The following WDR27 variants were observed in gnomAD, a reference collection of about 807,000 sequenced individuals.
WDR27 encodes WD repeat-containing protein 27.
In WDR27, 100 loss-of-function variants were observed where a neutral mutation model predicts 114.4. The ratio of observed to expected loss-of-function variants is 0.87; its 90% confidence interval spans 0.74 to 1.03. The LOEUF (loss-of-function observed/expected upper bound fraction) is 1.03. Among genes scored for constraint, WDR27 ranks in the 50% least tolerant of loss-of-function variants. The pLI is 0.00. For missense variants in WDR27, 1,129 were observed against 1,092.9 expected, an observed-to-expected ratio of 1.03 and a Z score of -0.47; for synonymous variants, 449 against 423.1, an observed-to-expected ratio of 1.06 and a Z score of -0.75.
At chr6:169,656,699 A>G (rs1488360467) in intron 13 of WDR27, among the ~76,000 whole-genome samples, 1 of 152,012 alleles carries the variant, frequency 6.6e-6, no homozygotes, top group Non-Finnish European at 1.5e-5. Context: ...GACAGCTCCC[A>G]GCTCCGACAG....
rs1008027725 is a variant in WDR27 at position 169,641,635 on chromosome 6, C to T, written c.1747+2062G>A. Among the ~76,000 whole-genome samples, 6 of 152,312 alleles carry T rather than the reference C, an allele frequency of 3.9e-5. No homozygotes were observed. The East Asian group carries it at 1.2e-3, about 29-fold the overall frequency. On this transcript the variant is annotated intron_variant, in intron 17 of 25. Coordinates refer to ENST00000448612, the MANE Select transcript of WDR27 (RefSeq NM_182552.5). ...AGGCCGGCGTGGGCAGTCCCCGCTCCGAGAAGGAGCAGAGCAGAAGCCACT... is the reference window on the plus strand; with the variant it reads ...AGGCCGGCGTGGGCAGTCCCCGCTCTGAGAAGGAGCAGAGCAGAAGCCACT...
In WDR27 at chr6:169,551,118, G is replaced by A. The variant is rs1402696531; in HGVS notation, c.2645+21301C>T. Reference sequence around the variant, plus strand: ...AAAAATACTATAAAATTCCAAAGGCGTTTGAGCTGGCATGTCCATTCATGC... The same window carrying A: ...AAAAATACTATAAAATTCCAAAGGCATTTGAGCTGGCATGTCCATTCATGC... On this transcript the variant is annotated intron_variant, in intron 25 of 25. Transcript: ENST00000448612. Among the ~76,000 whole-genome samples, 6 of 152,158 alleles carry A rather than the reference G, an allele frequency of 3.9e-5. No homozygotes were observed. In the East Asian group the frequency reaches 5.8e-4, roughly 15 times the overall value.
intron 25 of WDR27, among the ~76,000 whole-genome samples, chr6:169,485,315 C>G (rs1203899545): frequency 6.6e-6 from 1 of 152,128 alleles, no homozygotes; most frequent in Non-Finnish European, 1.5e-5. Context: ...ACTGAAACAA[C>G]TTTACAGAAA....
At chr6:169,499,104 TAAG>T (rs1376180999) in intron 25 of WDR27, among the ~76,000 whole-genome samples, 12 of 152,244 alleles carry the variant, frequency 7.9e-5, no homozygotes, top group Non-Finnish European at 1.5e-5. Flanking sequence ...CTCATGTTGC[TAAG>T]CGGAAACAGA....
At chr6:169,430,153 C>T in the WDR27 span, among the ~76,000 whole-genome samples, 3 of 152,276 alleles carry the variant, frequency 2.0e-5, no homozygotes, top group East Asian at 3.9e-4. Context: ...CCATATGTCA[C>T]GGCCCAAACT....
In WDR27 at chr6:169,701,859, C is replaced by T. The variant is rs1788168937; in HGVS notation, c.-316G>A. 1 of 340,484 alleles carries T rather than the reference C, an allele frequency of 2.9e-6. No individual in the cohort carries two copies. Among genetic ancestry groups the T allele is most frequent in the Admixed American group, 4.0e-5 (1 of 24,864 alleles). The allele number at this position is 340,484 out of a possible 1,614,324, so 21.1% of individuals were successfully genotyped here. A position where few individuals can be genotyped will look rare whatever the true frequency, so the allele number is the denominator to read the frequency against. ...AGCCCTGCGCCCTAGGCACACGCCC[C>T]AGAGCAGCAGCTCGGGTTCGGCGCC... On this transcript the variant is annotated 5_prime_UTR_variant, in exon 1 of 26. Transcript: ENST00000448612.
At chr6:169,608,585 A>G (rs1435074770) in intron 22 of WDR27, among the ~76,000 whole-genome samples, 2 of 152,184 alleles carry the variant, frequency 1.3e-5, no homozygotes, top group Non-Finnish European at 2.9e-5. Context: ...CAAGAACAGT[A>G]TGGGGGAAAC....
chr6:169,547,941 A>T (rs1041094333), intron 25 of WDR27, among the ~76,000 whole-genome samples: 2 of 152,318 alleles, frequency 1.3e-5, no homozygotes, highest in African/African-American at 4.8e-5. Flanking sequence ...TCTGGAACAA[A>T]CAGTGATTTT....
At chr6:169,451,959 T>A in the WDR27 span, among the ~76,000 whole-genome samples, 23 of 152,326 alleles carry the variant, frequency 1.5e-4, no homozygotes, top group Admixed American at 9.1e-4. Context: ...TCCCATTCTG[T>A]GGTCTACTTA....
intron 25 of WDR27, among the ~76,000 whole-genome samples, chr6:169,567,336 G>T (rs182516965): frequency 1.3e-5 from 2 of 152,314 alleles, no homozygotes; most frequent in East Asian, 3.9e-4. Context: ...GACGGTCTGC[G>T]TGGCAGAACA....
chr6:169,672,279 C>A lies in WDR27; in HGVS notation c.307G>T (p.Glu103Ter). ...LDYVIMWNLD[E>*]CREKVLQGLV... Reference sequence around the variant, plus strand: ...CCTTGAAGTACTTTCTCTCTACATTCATCCAGGTTCCACATTATAACATAA... The same window carrying A: ...CCTTGAAGTACTTTCTCTCTACATTAATCCAGGTTCCACATTATAACATAA... The change falls in exon 3 of 26, where the codon GAA becomes TAA. Residue 103 changes from glutamate to a stop codon, truncating the protein, a stop_gained. Transcript: ENST00000448612. LOFTEE classifies it high-confidence loss of function. The A allele has an allele frequency of 6.2e-7, 1 of 1,612,972 alleles. No individual in the cohort carries two copies. The highest frequency in any genetic ancestry group is 8.5e-7 in the Non-Finnish European group (1 of 1,179,592).
chr6:169,486,442 G>A (rs989804384), intron 25 of WDR27, among the ~76,000 whole-genome samples: 5 of 151,910 alleles, frequency 3.3e-5, no homozygotes, highest in African/African-American at 1.2e-4. Context: ...TGCAGGCTCC[G>A]GCAGCCTTTG....
At chr6:169,657,224 G>C (rs1293747934) in intron 13 of WDR27, among the ~76,000 whole-genome samples, 1 of 152,214 alleles carries the variant, frequency 6.6e-6, no homozygotes, top group Non-Finnish European at 1.5e-5. Flanking sequence ...CTGCAAGGCG[G>C]GTCAGAACCA....
chr6:169,602,289 C>T lies in WDR27; in HGVS notation c.2354G>A (p.Arg785His), dbSNP rs763131368. The stretch of plus-strand genomic sequence containing the variant: ...GAAAGCGATTCCACATGGATAGCCG[C>T]GGGTTGGATGCCCTTCAAAGTGGCG... Reference protein sequence around the residue: ...CERHFEGHPTRGYPCGIAFSP... With the variant: ...CERHFEGHPTHGYPCGIAFSP... The change falls in exon 23 of 26, where the codon CGC becomes CAC. Residue 785 changes from arginine (R) to histidine (H), a missense_variant. Transcript: ENST00000448612. 1.2e-5 allele frequency: 18 copies of T among 1,564,402 alleles called. No individual in the cohort carries two copies. Among genetic ancestry groups the T allele is most frequent in the Middle Eastern group, 1.7e-4 (1 of 6,004 alleles).
intron 5 of WDR27, 85 bp downstream of exon 5, chr6:169,667,897 G>A (rs925284200): frequency 8.2e-6 from 11 of 1,334,528 alleles, no homozygotes; most frequent in African/African-American, 4.4e-5. Flanking sequence ...GGCCGTGGCC[G>A]TGAAGCAACC....
intron 22 of WDR27, among the ~76,000 whole-genome samples, chr6:169,608,060 G>GTT (rs1809629131): frequency 6.6e-6 from 1 of 151,918 alleles, no homozygotes; most frequent in Non-Finnish European, 1.5e-5. Flanking sequence ...CTAAGCAACT[G>GTT]TAACACAATG....
At chr6:169,429,820 G>C in the WDR27 span, among the ~76,000 whole-genome samples, 8 of 152,284 alleles carry the variant, frequency 5.3e-5, no homozygotes, top group African/African-American at 1.9e-4. Context: ...CGATGCTGCT[G>C]GTCTGGGGAC....
chr6:169,450,209 G>C, the WDR27 span, among the ~76,000 whole-genome samples: 1 of 152,224 alleles, frequency 6.6e-6, no homozygotes, highest in Non-Finnish European at 1.5e-5. Flanking sequence ...GAGTCCGACA[G>C]CTGCCAGCGG....
chr6:169,570,073 C>T (rs16888165), intron 25 of WDR27, among the ~76,000 whole-genome samples: 5,232 of 152,232 alleles, frequency 0.034, 225 homozygotes, highest in African/African-American at 0.1. Context: ...ATGCCATTAC[C>T]TCCTCATCTA....
Sources: allele counts gnomAD v4.1 joint callset (sites outside exome capture counted in the v4.1 genomes callset), GRCh38; gene constraint gnomAD v4.1.1; transcripts MANE v1.5; gene names NCBI Gene and HGNC (gene_info 2026-07-23, HGNC 2026-07-21).